TMEM181: variants seen among roughly 807,000 people sequenced by gnomAD.
TMEM181 encodes the protein transmembrane protein 181, also known as G protein-coupled receptor 178.
In TMEM181, 39 loss-of-function variants were observed where a neutral mutation model predicts 71.9. That is an observed-to-expected ratio of 0.54 (90% CI 0.42 to 0.71). The LOEUF (loss-of-function observed/expected upper bound fraction) is 0.71, where lower values mean the gene tolerates loss of function less well. Ranked by LOEUF, TMEM181 falls within the 30% of genes least tolerant of loss-of-function variation. The pLI, the probability that TMEM181 is intolerant of heterozygous loss-of-function variation, is 0.00. For missense variants in TMEM181, 595 were observed against 583.0 expected (o/e 1.02, Z -0.21); for synonymous variants, 245 against 228.8 (o/e 1.07, Z -0.64).
intron 2 of TMEM181, among the ~76,000 whole-genome samples, chr6:158,577,279 C>T (rs1194494028): frequency 6.6e-6 from 1 of 151,888 alleles, no homozygotes; most frequent in Non-Finnish European, 1.5e-5. Flanking sequence ...GATAGAAAAC[C>T]TAAAAGGAAA....
Position 158,595,240 on chromosome 6 carries a change from A to G in TMEM181, c.492+5458A>G, listed in dbSNP as rs549810942. Among the ~76,000 whole-genome samples the G allele has an allele frequency of 5.3e-5, 8 of 152,310 alleles. No individual in the cohort carries two copies. In the South Asian group the frequency reaches 1.0e-3, roughly 20 times the overall value. ...TTAAAACACTTTAAAAATTATTTCT[A>G]TCTAATCTGGCTTTTTATTATAAGC... On this transcript the variant is annotated intron_variant, in intron 6 of 16. Transcript: ENST00000684151.
At chr6:158,584,650 TG>T (rs1248092638) in intron 4 of TMEM181, among the ~76,000 whole-genome samples, 1 of 152,258 alleles carries the variant, frequency 6.6e-6, no homozygotes, top group Non-Finnish European at 1.5e-5. Flanking sequence ...TTTTCTGTTC[TG>T]TGCCTCACAT....
intron 10 of TMEM181, among the ~76,000 whole-genome samples, chr6:158,609,388 C>T (rs763714570): frequency 4.6e-5 from 7 of 151,888 alleles, no homozygotes; most frequent in Non-Finnish European, 7.4e-5. Flanking sequence ...CTGCAGAGAA[C>T]AGGATTTGGA....
At chr6:158,603,213 G>C (rs963807968) in intron 6 of TMEM181, among the ~76,000 whole-genome samples, 1 of 152,198 alleles carries the variant, frequency 6.6e-6, no homozygotes, top group Non-Finnish European at 1.5e-5. Context: ...CAGTAGGCCA[G>C]TGGTCCCCAG....
chr6:158,625,315 A>G, intron 12 of TMEM181, 109 bp downstream of exon 12: 1 of 938,658 alleles, frequency 1.1e-6, no homozygotes, highest in South Asian at 1.4e-5. Context: ...GGGCCCAGGG[A>G]CTGGTCCATT....
Position 158,605,339 on chromosome 6 carries a change from A to T in TMEM181, c.565A>T (p.Ile189Phe). The change falls in exon 7 of 17, where the codon ATC becomes TTC. Residue 189 changes from isoleucine to phenylalanine, a missense_variant. By Grantham distance (21) the Ile-to-Phe change is conservative (BLOSUM62 0). Transcript: ENST00000684151. ...FRFFFVVLTF[I>F]VTCLFAHSLR... ...GTTTTTCTTTGTGGTGCTCACCTTC[A>T]TCGTCACTGTGAGTACCATTCGCCT... 1 of 1,613,962 alleles carries T rather than the reference A, an allele frequency of 6.2e-7. No individual in the cohort carries two copies. The highest frequency in any genetic ancestry group is 8.5e-7 in the Non-Finnish European group (1 of 1,179,994).
In TMEM181 at chr6:158,635,084, C is replaced by T. The variant is rs1311658315; in HGVS notation, c.*3196C>T. On this transcript the variant is annotated 3_prime_UTR_variant, in exon 17 of 17. Transcript: ENST00000684151. ...CTGGCCAAAGGGAAGTTGTATTAGT[C>T]TGTGACATCTTGTGATGCTGTTTAT... 1 of 151,264 alleles carries T rather than the reference C, an allele frequency of 6.6e-6. No individual in the cohort carries two copies. The highest frequency in any genetic ancestry group is 2.4e-5 in the African/African-American group (1 of 41,240). 9.4% of individuals were successfully genotyped at this position (151,264 alleles called of 1,614,324 possible).
chr6:158,628,362 T>C, intron 13 of TMEM181, 46 bp from the exon 14 acceptor site: 2 of 1,588,982 alleles, frequency 1.3e-6, no homozygotes, highest in Admixed American at 1.7e-5. Context: ...CTAGTGCCGT[T>C]TTCGTGCATG....
chr6:158,570,455 A>G (rs1318234484), intron 1 of TMEM181, among the ~76,000 whole-genome samples: 2 of 149,996 alleles, frequency 1.3e-5, no homozygotes, highest in African/African-American at 4.9e-5. Flanking sequence ...GTCAGCCAGG[A>G]TGGTCTCGAT....
chr6:158,593,026 T>C (rs537372625), intron 6 of TMEM181, among the ~76,000 whole-genome samples: 22 of 152,320 alleles, frequency 1.4e-4, no homozygotes, highest in Non-Finnish European at 2.1e-4. Flanking sequence ...GTGAACTGAT[T>C]TAACTTTTGG....
chr6:158,536,780 C>A, exon 1 of TMEM181: 1 of 1,572,402 alleles, frequency 6.4e-7, no homozygotes, highest in Non-Finnish European at 8.6e-7. Context: ...CTGCAGCGAG[C>A]TCAAGCACCT....
chr6:158,607,280 A>G lies in TMEM181; in HGVS notation c.610A>G (p.Arg204Gly), dbSNP rs1435898888. Reference sequence around the variant, plus strand: ...GCATTCCCTCCGGAAATTTTCCATGAGAGACTGGGGCATCGAGCAGAAGTG... The same window carrying G: ...GCATTCCCTCCGGAAATTTTCCATGGGAGACTGGGGCATCGAGCAGAAGTG... ...FAHSLRKFSM[R>G]DWGIEQKWMS... is the part of the protein sequence containing the mutation. The change falls in exon 8 of 17, where the codon AGA becomes GGA. Residue 204 changes from arginine (R) to glycine (G), a missense_variant. Physicochemically the swap from Arg to Gly is moderately radical, Grantham distance 125 (BLOSUM62 -2). Coordinates refer to ENST00000684151, the MANE Select transcript of TMEM181 (RefSeq NM_001376852.1). 6.2e-7 allele frequency: 1 copy of G among 1,614,170 alleles called. No homozygotes were observed. The highest frequency in any genetic ancestry group is 1.7e-5 in the Admixed American group (1 of 60,024).
At chr6:158,583,055 A>G (rs1783565245) in intron 3 of TMEM181, among the ~76,000 whole-genome samples, 1 of 152,056 alleles carries the variant, frequency 6.6e-6, no homozygotes, top group Non-Finnish European at 1.5e-5. Flanking sequence ...CAACACGGTG[A>G]AACTCCATCT....
chr6:158,557,745 G>C (rs932096892), upstream of TMEM181, among the ~76,000 whole-genome samples: 1 of 152,192 alleles, frequency 6.6e-6, no homozygotes, highest in Non-Finnish European at 1.5e-5. Context: ...TTGAACTCCT[G>C]AGCTCAGGTG....
At chr6:158,590,386 A>AG (rs1784039134) in intron 6 of TMEM181, among the ~76,000 whole-genome samples, 1 of 151,818 alleles carries the variant, frequency 6.6e-6, no homozygotes, top group Non-Finnish European at 1.5e-5. Context: ...CAAAAAAAAA[A>AG]CAGCTTTATC....
chr6:158,579,118 G>T (rs1264802818), intron 2 of TMEM181, among the ~76,000 whole-genome samples: 2 of 152,096 alleles, frequency 1.3e-5, no homozygotes, highest in East Asian at 1.9e-4. Flanking sequence ...AATTAGCGAG[G>T]TGTGGTGGTG....
At chr6:158,624,473 C>T (rs1033681124) in intron 11 of TMEM181, among the ~76,000 whole-genome samples, 1 of 152,222 alleles carries the variant, frequency 6.6e-6, no homozygotes. Flanking sequence ...GCGGGGACTG[C>T]GTCTAAAGAC....
At chr6:158,536,662 G>A (rs764156029) in exon 1 of TMEM181, 13 of 1,507,378 alleles carry the variant, frequency 8.6e-6, no homozygotes, top group South Asian at 2.5e-5. Context: ...CCCAGTGCTG[G>A]GAGAAGAGAG....
chr6:158,561,214 C>A (rs1261227359), intron 1 of TMEM181, among the ~76,000 whole-genome samples: 1 of 152,234 alleles, frequency 6.6e-6, no homozygotes, highest in East Asian at 1.9e-4. Flanking sequence ...AGGCCTGTTG[C>A]CTCAGCGCAA....
Sources: gnomAD v4.1 joint callset for allele counts (sites outside exome capture counted in the v4.1 genomes callset) on GRCh38, gnomAD v4.1.1 for gene constraint, MANE v1.5 for transcripts, NCBI Gene and HGNC (gene_info 2026-07-23, HGNC 2026-07-21) for gene names.